The following CNST variants were observed in gnomAD, a reference collection of about 807,000 sequenced individuals.
CNST encodes consortin.
CNST carries 39 observed loss-of-function variants against 72.4 expected under a neutral mutation model. That is an observed-to-expected ratio of 0.54 (90% CI 0.42 to 0.70). The LOEUF is 0.70. Ranked by LOEUF, CNST falls within the 30% of genes least tolerant of loss-of-function variation. The pLI is 0.00. For missense variants in CNST, 871 were observed against 868.5 expected, an observed-to-expected ratio of 1.00 and a Z score of -0.04; for synonymous variants, 332 against 320.1, an observed-to-expected ratio of 1.04 and a Z score of -0.40.
chr1:246,601,520 C>T (rs1248968795), intron 2 of CNST, among the ~76,000 whole-genome samples: 1 of 152,114 alleles, frequency 6.6e-6, no homozygotes, highest in African/African-American at 2.4e-5. Flanking sequence ...AATGGCCTGG[C>T]ACGGTGGCTC....
intron 1 of CNST, among the ~76,000 whole-genome samples, chr1:246,581,085 AT>A (rs1420430319): frequency 2.0e-5 from 3 of 151,984 alleles, no homozygotes; most frequent in African/African-American, 7.3e-5. Flanking sequence ...TCATCGAAAT[AT>A]CCACTCACAT....
At chr1:246,610,199 T>G (rs1051529189) in intron 2 of CNST, among the ~76,000 whole-genome samples, 1 of 152,194 alleles carries the variant, frequency 6.6e-6, no homozygotes, top group African/African-American at 2.4e-5. Flanking sequence ...AAGAATTGCT[T>G]GAACCCAGAA....
chr1:246,644,321 G>T (rs975083042), intron 8 of CNST, among the ~76,000 whole-genome samples: 2 of 150,932 alleles, frequency 1.3e-5, no homozygotes, highest in African/African-American at 4.9e-5. Flanking sequence ...CCCGGGAGGC[G>T]GAGCTTGCAG....
At chr1:246,649,728 A>G (rs374304011) in intron 9 of CNST, among the ~76,000 whole-genome samples, 67 of 151,972 alleles carry the variant, frequency 4.4e-4, no homozygotes, top group African/African-American at 8.9e-4. Flanking sequence ...TTTTAGAACT[A>G]TCTTTCCCCA....
intron 1 of CNST, among the ~76,000 whole-genome samples, chr1:246,584,686 C>G (rs577076488): frequency 3.3e-5 from 5 of 152,194 alleles, no homozygotes; most frequent in South Asian, 2.1e-4. Flanking sequence ...TAGACCGTCC[C>G]GGCAGCCCTG....
chr1:246,639,372 C>G (rs1442411902), intron 6 of CNST, among the ~76,000 whole-genome samples: 1 of 151,964 alleles, frequency 6.6e-6, no homozygotes, highest in Non-Finnish European at 1.5e-5. Context: ...GAACCCAGAG[C>G]CTAAAATATC....
intron 4 of CNST, among the ~76,000 whole-genome samples, chr1:246,633,413 C>T (rs1434092633): frequency 1.3e-5 from 2 of 149,368 alleles, no homozygotes; most frequent in Non-Finnish European, 3.0e-5. Flanking sequence ...GGCACCACTG[C>T]ACTCCAGCCT....
At chr1:246,571,217 C>A (rs1660050130) in intron 1 of CNST, among the ~76,000 whole-genome samples, 1 of 152,208 alleles carries the variant, frequency 6.6e-6, no homozygotes, top group South Asian at 2.1e-4. Context: ...TACGAGATCT[C>A]AGCTCACTGC....
intron 8 of CNST, among the ~76,000 whole-genome samples, chr1:246,644,124 G>T (rs750294812): frequency 1.3e-5 from 2 of 152,118 alleles, no homozygotes; most frequent in African/African-American, 4.8e-5. Flanking sequence ...CATTTTGCCG[G>T]GCGCGATGGC....
At chr1:246,605,156 T>C (rs555392047) in intron 2 of CNST, among the ~76,000 whole-genome samples, 4 of 152,342 alleles carry the variant, frequency 2.6e-5, no homozygotes, top group South Asian at 4.1e-4. Context: ...AGGGAAAATA[T>C]GGTAAAATTT....
intron 6 of CNST, 152 bp downstream of exon 6, chr1:246,634,739 A>G (rs1665039303): frequency 1.7e-6 from 1 of 591,158 alleles, no homozygotes; most frequent in African/African-American, 1.9e-5. Flanking sequence ...TATTGGTTCG[A>G]ACCCCGGGAG....
Position 246,591,595 on chromosome 1 carries a change from G to A in CNST, c.33G>A (p.Leu11=), listed in dbSNP as rs1661546961. The A allele has an allele frequency of 6.2e-7, 1 of 1,613,982 alleles. No homozygotes were observed. The highest frequency in any genetic ancestry group is 1.3e-5 in the African/African-American group (1 of 74,928). MDDSDTPTYY[L]QIEPQDGCHP... ...ACAGCGATACTCCTACATATTATCT[G>A]CAAATAGAACCACAAGATGGATGTC... The change falls in exon 2 of 11, where the codon CTG becomes CTA. Residue 11 remains leucine, a synonymous_variant. Coordinates refer to ENST00000366513, the MANE Select transcript of CNST (RefSeq NM_152609.3).
chr1:246,592,701 A>G (rs1275510921), intron 2 of CNST, among the ~76,000 whole-genome samples: 2 of 152,180 alleles, frequency 1.3e-5, no homozygotes, highest in Non-Finnish European at 2.9e-5. Flanking sequence ...AGATCTTTCC[A>G]TCTCACTCAG....
At chr1:246,627,112 G>C (rs948662462) in intron 3 of CNST, among the ~76,000 whole-genome samples, 1 of 152,176 alleles carries the variant, frequency 6.6e-6, no homozygotes, top group Non-Finnish European at 1.5e-5. Context: ...TCACTATAGA[G>C]ACTTTTCTGC....
chr1:246,609,171 A>G (rs530202559), intron 2 of CNST, among the ~76,000 whole-genome samples: 40 of 152,310 alleles, frequency 2.6e-4, no homozygotes, highest in African/African-American at 8.4e-4. Flanking sequence ...GAAGTTGACT[A>G]ATTTCCAGAT....
chr1:246,626,382 TCAG>T (rs2103086827), intron 3 of CNST, among the ~76,000 whole-genome samples: 1 of 151,714 alleles, frequency 6.6e-6, no homozygotes, highest in East Asian at 1.9e-4. Flanking sequence ...GCGTCAGAGT[TCAG>T]TTCTTGAATC....
intron 1 of CNST, among the ~76,000 whole-genome samples, chr1:246,574,884 T>G (rs1032031313): frequency 1.1e-4 from 16 of 152,176 alleles, no homozygotes; most frequent in African/African-American, 3.4e-4. Flanking sequence ...TTTAGTAGTA[T>G]TTTATTTAAA....
chr1:246,645,430 T>TTA (rs59658765), intron 8 of CNST, among the ~76,000 whole-genome samples: 35,730 of 136,146 alleles, frequency 0.26, 5,134 homozygotes, highest in East Asian at 0.64. Context: ...AAAACTTTTT[T>TTA]TTTTTTTTTT....
intron 6 of CNST, among the ~76,000 whole-genome samples, chr1:246,640,925 G>T (rs1665643904): frequency 6.6e-6 from 1 of 152,094 alleles, no homozygotes. Context: ...TCTGAGCAAG[G>T]TACAAGATAT....
Sources: allele counts gnomAD v4.1 joint callset (sites outside exome capture counted in the v4.1 genomes callset), GRCh38; gene constraint gnomAD v4.1.1; transcripts MANE v1.5; gene names NCBI Gene and HGNC (gene_info 2026-07-23, HGNC 2026-07-21).